Variants in ZDHHC13 observed in about 807,000 individuals in gnomAD.
ZDHHC13 encodes zDHHC palmitoyltransferase 13.
Under a neutral mutation model 86.0 loss-of-function variants are expected in ZDHHC13, and 85 were observed. The observed-to-expected ratio is 0.99, with a 90% CI of 0.83 to 1.18. The LOEUF is 1.18. Ranked by LOEUF, ZDHHC13 falls within the 50% of genes most tolerant of loss-of-function variation. ZDHHC13 has a pLI of 0.00. For synonymous variants in ZDHHC13, 263 were observed against 246.4 expected (o/e 1.07, Z -0.63); for missense variants, 711 against 730.2 (o/e 0.97, Z 0.30).
chr11:19,137,899 C>T (rs1385255935), intron 1 of ZDHHC13, among the ~76,000 whole-genome samples: 807 of 149,678 alleles, frequency 5.4e-3, no homozygotes, highest in African/African-American at 0.019. Context: ...ATCTCTGGGA[C>T]GCATTCAAAG....
At position 19,117,207 on chromosome 11, in the gene ZDHHC13, G is replaced by A; in HGVS notation, c.-43G>A. On this transcript the variant is annotated 5_prime_UTR_variant, in exon 1 of 17. Coordinates refer to ENST00000446113, the MANE Select transcript of ZDHHC13 (RefSeq NM_019028.3). This position sits in a 1 kb window ranked among gnomAD's most constrained non-coding sequence, Gnocchi z 4.2. ...GCGGGCTGGCGGGCTGGCGGCAGTC[G>A]CTACTTGCCTAGTAGCCTCAGCCGC... The A allele has an allele frequency of 6.5e-7, 1 of 1,530,972 alleles. No homozygotes were observed. The highest frequency in any genetic ancestry group is 2.5e-5 in the East Asian group (1 of 40,168). 94.8% of individuals were successfully genotyped at this position (1,530,972 alleles called of 1,614,324 possible).
At chr11:19,145,347 T>C (rs1849431810) in intron 2 of ZDHHC13, among the ~76,000 whole-genome samples, 1 of 152,182 alleles carries the variant, frequency 6.6e-6, no homozygotes, top group Admixed American at 6.5e-5. Context: ...TCTAAATTCG[T>C]ATTTCACTCT....
chr11:19,123,327 G>A (rs1848796533), intron 1 of ZDHHC13, among the ~76,000 whole-genome samples: 1 of 152,024 alleles, frequency 6.6e-6, no homozygotes. Context: ...AAAAATCTGT[G>A]TATAAACAAA....
chr11:19,165,107 G>A lies in ZDHHC13; in HGVS notation c.1352G>A (p.Arg451Gln), dbSNP rs745884350. The change falls in exon 13 of 17, where the codon CGA becomes CAA. Residue 451 changes from arginine to glutamine, a missense_variant. Physicochemically the swap from Arg to Gln is conservative, Grantham distance 43. Transcript: ENST00000446113. ...CATGTATGCAACTGCTGTGTGGCTCGATATGATCAACACTGCCTGTGGACT... is the reference window on the plus strand; with the variant it reads ...CATGTATGCAACTGCTGTGTGGCTCAATATGATCAACACTGCCTGTGGACT... ...HCHVCNCCVARYDQHCLWTGR... is the reference protein window; with the variant it reads ...HCHVCNCCVAQYDQHCLWTGR... The A allele has an allele frequency of 2.2e-5, 36 of 1,612,840 alleles. No homozygotes were observed. The highest frequency in any genetic ancestry group is 1.7e-4 in the Middle Eastern group (1 of 6,060).
chr11:19,150,856 A>T, intron 6 of ZDHHC13, 65 bp downstream of exon 6: 1 of 1,442,506 alleles, frequency 6.9e-7, no homozygotes, highest in Non-Finnish European at 9.7e-7. Flanking sequence ...TGTGTATGTA[A>T]TTTTAAGTAT....
At chr11:19,120,578 C>T (rs942186580) in intron 1 of ZDHHC13, among the ~76,000 whole-genome samples, 4 of 152,188 alleles carry the variant, frequency 2.6e-5, no homozygotes, top group Admixed American at 2.0e-4. Flanking sequence ...AGACCTTTAC[C>T]TCTTGATGGA....
intron 10 of ZDHHC13, among the ~76,000 whole-genome samples, chr11:19,161,744 C>G (rs1230219340): frequency 6.6e-6 from 1 of 151,962 alleles, no homozygotes; most frequent in East Asian, 1.9e-4. Context: ...ATGTAAAGTC[C>G]CATACTGAGT....
At chr11:19,133,378 C>CAT (rs781373005) in intron 1 of ZDHHC13, among the ~76,000 whole-genome samples, 123 of 105,100 alleles carry the variant, frequency 1.2e-3, no homozygotes, top group Non-Finnish European at 2.0e-3. Flanking sequence ...TACCCACACA[C>CAT]ATATATATAC....
At chr11:19,133,794 G>A (rs1250063018) in intron 1 of ZDHHC13, among the ~76,000 whole-genome samples, 2 of 151,596 alleles carry the variant, frequency 1.3e-5, no homozygotes, top group Non-Finnish European at 2.9e-5. Flanking sequence ...GTGTGGGGAT[G>A]TGGTGGAGCA....
rs1422970125 is a variant in ZDHHC13, at chr11:19,147,583, C to A, written c.297-13C>A. ...TTTCAAATCTTACTTTCATTTGTGT[C>A]TGCTTTTAACAGGTTTTATATTTCA... On this transcript the variant is annotated splice_polypyrimidine_tract_variant and intron_variant, in intron 3 of 16. Coordinates refer to ENST00000446113, the MANE Select transcript of ZDHHC13 (RefSeq NM_019028.3). 39 of 1,576,520 alleles carry A rather than the reference C, an allele frequency of 2.5e-5. No homozygotes were observed. The highest frequency in any genetic ancestry group is 3.4e-5 in the Non-Finnish European group (39 of 1,160,106).
intron 5 of ZDHHC13, 21 bp from the exon 6 acceptor site, chr11:19,150,706 A>G: frequency 6.3e-7 from 1 of 1,596,582 alleles, no homozygotes; most frequent in Non-Finnish European, 8.6e-7. Flanking sequence ...CAGTTATGCT[A>G]ATTGTCTTCT....
chr11:19,148,960 A>G (rs866649840), intron 4 of ZDHHC13: 1 of 388,820 alleles, frequency 2.6e-6, no homozygotes, highest in South Asian at 7.1e-5. Flanking sequence ...TCTCAAAAAC[A>G]AAAAACAAAA....
intron 14 of ZDHHC13, 115 bp from the exon 15 acceptor site, chr11:19,170,296 T>C: frequency 7.0e-7 from 1 of 1,437,468 alleles, no homozygotes; most frequent in Non-Finnish European, 9.0e-7. Flanking sequence ...TGAATCATGA[T>C]CTGTGCCATA....
intron 10 of ZDHHC13, 105 bp from the exon 11 acceptor site, chr11:19,163,198 G>C: frequency 8.2e-7 from 1 of 1,224,492 alleles, no homozygotes; most frequent in East Asian, 2.5e-5. Flanking sequence ...GGACATGTGT[G>C]CATAAGGAAG....
chr11:19,146,247 A>G lies in ZDHHC13; in HGVS notation c.240A>G (p.Lys80=). ...GATATGATGTCAGGCAACCAGATAA[A>G]GAAAATGTGTCGCTTCTTCATTGGG... ...EAGYDVRQPD[K]ENVSLLHWAA... Residue 80 remains lysine (K), a synonymous_variant, in exon 3 of 17, where the codon AAA becomes AAG. Coordinates refer to ENST00000446113, the MANE Select transcript of ZDHHC13 (RefSeq NM_019028.3). The G allele has an allele frequency of 6.2e-7, 1 of 1,613,268 alleles. No homozygotes were observed. The highest frequency in any genetic ancestry group is 8.5e-7 in the Non-Finnish European group (1 of 1,179,544).
At chr11:19,148,732 CCAGG>C (rs35118634) in intron 4 of ZDHHC13, 72,581 of 151,896 alleles carry the variant, frequency 0.48, 21,213 homozygotes, top group Non-Finnish European at 0.63. Context: ...TTTGGGAGGC[CCAGG>C]CAGGCAGATC....
At chr11:19,158,050 A>G (rs1041694426) in intron 9 of ZDHHC13, among the ~76,000 whole-genome samples, 6 of 152,276 alleles carry the variant, frequency 3.9e-5, no homozygotes, top group Admixed American at 3.9e-4. Flanking sequence ...TCTCCGACAG[A>G]CCATACCCTG....
Position 19,170,482 on chromosome 11 carries a change from T to C in ZDHHC13, c.1546T>C (p.Cys516Arg), listed in dbSNP as rs1565043981. ...LWTYLNQIVACSPWVLYILML... is the reference protein window; with the variant it reads ...LWTYLNQIVARSPWVLYILML... ...GACTTACCTCAATCAGATTGTGGCC[T>C]GTTCCCCTTGGGTTTTATATATCTT... The change falls in exon 15 of 17, where the codon TGT becomes CGT. Residue 516 changes from cysteine to arginine, a missense_variant. Physicochemically the swap from Cys to Arg is radical, Grantham distance 180. Coordinates refer to ENST00000446113, the MANE Select transcript of ZDHHC13 (RefSeq NM_019028.3). 6.5e-7 allele frequency: 1 copy of C among 1,539,354 alleles called. No homozygotes were observed. The highest frequency in any genetic ancestry group is 2.5e-5 in the East Asian group (1 of 40,496).
intron 14 of ZDHHC13, chr11:19,167,246 T>G (rs1015426852): frequency 6.6e-6 from 1 of 152,194 alleles, no homozygotes. Context: ...TGGTCAAATC[T>G]TAGACTTTAC....
Sources: allele counts gnomAD v4.1 joint callset (sites outside exome capture counted in the v4.1 genomes callset), GRCh38; gene constraint gnomAD v4.1.1; non-coding constraint Gnocchi (gnomAD v3.1); transcripts MANE v1.5; gene names NCBI Gene and HGNC (gene_info 2026-07-23, HGNC 2026-07-21).